RAB38: variants seen among roughly 807,000 people sequenced by gnomAD.
RAB38 encodes ras-related protein Rab-38.
RAB38 carries 15 observed loss-of-function variants against 18.4 expected under a neutral mutation model. The ratio of observed to expected loss-of-function variants is 0.82; its 90% CI spans 0.55 to 1.26. The LOEUF (loss-of-function observed/expected upper bound fraction) is 1.26, where lower values mean the gene tolerates loss of function less well. RAB38 is among the 50% of genes most tolerant of loss of function. The pLI is 0.00. For synonymous variants in RAB38, 101 were observed against 104.4 expected, an observed-to-expected ratio of 0.97 and a Z score of 0.20; for missense variants, 294 against 267.4, an observed-to-expected ratio of 1.10 and a Z score of -0.69.
the RAB38 span, among the ~76,000 whole-genome samples, chr11:87,897,107 A>G: frequency 6.6e-6 from 1 of 151,576 alleles, no homozygotes; most frequent in Non-Finnish European, 1.5e-5. Flanking sequence ...TTTAAAGTGA[A>G]TAGAATAAGA....
chr11:87,808,637 G>A, the RAB38 span, among the ~76,000 whole-genome samples: 25,323 of 152,020 alleles, frequency 0.17, 2,530 homozygotes, highest in Admixed American at 0.27. Flanking sequence ...GGTAGAACAC[G>A]GTGTCTAAGA....
chr11:87,883,441 A>G, the RAB38 span, among the ~76,000 whole-genome samples: 1 of 151,962 alleles, frequency 6.6e-6, no homozygotes, highest in Non-Finnish European at 1.5e-5. Flanking sequence ...CAAAATGCAG[A>G]TAAGAATCTC....
At chr11:88,163,405 A>G (rs1591178041) in intron 1 of RAB38, among the ~76,000 whole-genome samples, 2 of 152,292 alleles carry the variant, frequency 1.3e-5, no homozygotes, top group East Asian at 3.9e-4. Flanking sequence ...TTTTATGCCT[A>G]CTGAACTTGC....
chr11:87,968,741 A>C, the RAB38 span, among the ~76,000 whole-genome samples: 1 of 152,142 alleles, frequency 6.6e-6, no homozygotes, highest in African/African-American at 2.4e-5. Flanking sequence ...CAAGTTTCTT[A>C]TTTTATTGCA....
chr11:88,025,840 A>G, the RAB38 span, among the ~76,000 whole-genome samples: 1 of 152,058 alleles, frequency 6.6e-6, no homozygotes, highest in Non-Finnish European at 1.5e-5. Flanking sequence ...TACTCTATTG[A>G]CAGTTTATTT....
At chr11:87,920,618 T>C in the RAB38 span, among the ~76,000 whole-genome samples, 39 of 152,052 alleles carry the variant, frequency 2.6e-4, no homozygotes, top group Non-Finnish European at 5.3e-4. Context: ...TTTGCAGGTG[T>C]TGAATGCAGT....
chr11:87,824,550 G>A, the RAB38 span, among the ~76,000 whole-genome samples: 1 of 152,030 alleles, frequency 6.6e-6, no homozygotes, highest in Non-Finnish European at 1.5e-5. Flanking sequence ...GGAGACAGAA[G>A]GAAGCTATCG....
the RAB38 span, among the ~76,000 whole-genome samples, chr11:87,957,380 C>T: frequency 7.6e-6 from 1 of 130,762 alleles, no homozygotes; most frequent in African/African-American, 2.9e-5. Flanking sequence ...AGTCCTGTAA[C>T]AAAAGACAGA....
At chr11:88,117,035 C>T (rs536814154) in intron 2 of RAB38, among the ~76,000 whole-genome samples, 52 of 152,198 alleles carry the variant, frequency 3.4e-4, no homozygotes, top group Non-Finnish European at 6.9e-4. Flanking sequence ...AAATTGTTTG[C>T]GAGTTTTAAC....
the RAB38 span, among the ~76,000 whole-genome samples, chr11:87,843,518 T>G: frequency 0.041 from 6,198 of 152,252 alleles, 403 homozygotes; most frequent in African/African-American, 0.14. Context: ...GCACCTTAAG[T>G]GCTTCTAATT....
At chr11:87,948,676 C>G in the RAB38 span, among the ~76,000 whole-genome samples, 1 of 140,060 alleles carries the variant, frequency 7.1e-6, no homozygotes, top group Non-Finnish European at 1.5e-5. Flanking sequence ...GTCTTTGGTT[C>G]TGTTTATATG....
At chr11:88,038,244 A>G in the RAB38 span, among the ~76,000 whole-genome samples, 1 of 152,156 alleles carries the variant, frequency 6.6e-6, no homozygotes, top group South Asian at 2.1e-4. Context: ...AGCTCAAGGC[A>G]ATTTATCAGC....
chr11:87,961,164 T>C, the RAB38 span, among the ~76,000 whole-genome samples: 1 of 152,136 alleles, frequency 6.6e-6, no homozygotes, highest in Non-Finnish European at 1.5e-5. Context: ...TGGACCTCCT[T>C]TCAGCTAGAG....
At chr11:87,833,085 G>T in the RAB38 span, among the ~76,000 whole-genome samples, 35 of 152,080 alleles carry the variant, frequency 2.3e-4, no homozygotes, top group Admixed American at 2.1e-3. Flanking sequence ...TTTTGTTCTT[G>T]CTCCTTTCTA....
chr11:87,976,940 TATTATAAA>T, the RAB38 span, among the ~76,000 whole-genome samples: 217 of 42,378 alleles, frequency 5.1e-3, 86 homozygotes, highest in Middle Eastern at 0.056. Context: ...TATACAAGTA[TATTATAAA>T]ATATAATTAC....
intron 2 of RAB38, among the ~76,000 whole-genome samples, chr11:88,138,487 G>T (rs1234235848): frequency 6.6e-6 from 1 of 151,980 alleles, no homozygotes; most frequent in Non-Finnish European, 1.5e-5. Flanking sequence ...AATAAATCAA[G>T]AAATAGCAAT....
At chr11:88,069,135 C>A in the RAB38 span, among the ~76,000 whole-genome samples, 1 of 152,190 alleles carries the variant, frequency 6.6e-6, no homozygotes, top group East Asian at 1.9e-4. Context: ...AGTGGGCCCA[C>A]ACTTGGAATG....
chr11:87,858,627 T>C, the RAB38 span, among the ~76,000 whole-genome samples: 1 of 152,060 alleles, frequency 6.6e-6, no homozygotes, highest in Admixed American at 6.6e-5. Context: ...TCAAATGCCA[T>C]TGTATTAAGG....
At chr11:88,170,715 T>A (rs184104546) in intron 1 of RAB38, among the ~76,000 whole-genome samples, 3 of 152,340 alleles carry the variant, frequency 2.0e-5, no homozygotes, top group Admixed American at 2.0e-4. Flanking sequence ...GGAAATATTT[T>A]TCTTATAGGG....
Sources: gnomAD v4.1 joint callset for allele counts (sites outside exome capture counted in the v4.1 genomes callset) on GRCh38, gnomAD v4.1.1 for gene constraint, MANE v1.5 for transcripts, NCBI Gene and HGNC (gene_info 2026-07-23, HGNC 2026-07-21) for gene names.